The following SLMAP variants were observed in gnomAD, a reference collection of about 807,000 sequenced individuals.
SLMAP encodes the protein sarcolemma associated protein.
A neutral mutation model predicts 128.8 loss-of-function variants in SLMAP; 44 were observed. The ratio of observed to expected loss-of-function variants is 0.34; its 90% CI spans 0.27 to 0.44. The LOEUF (loss-of-function observed/expected upper bound fraction) is 0.44, where lower values mean the gene tolerates loss of function less well. SLMAP is among the 20% of genes least tolerant of loss of function. The pLI is 1.00. For missense variants in SLMAP, 787 were observed against 985.3 expected (o/e 0.80, Z 2.69); for synonymous variants, 327 against 348.8 (o/e 0.94, Z 0.70).
chr3:57,836,235 A>G (rs2093634279), intron 3 of SLMAP, among the ~76,000 whole-genome samples: 1 of 152,126 alleles, frequency 6.6e-6, no homozygotes, highest in Non-Finnish European at 1.5e-5. Flanking sequence ...AAGAAGGAAT[A>G]GAGGAGAAGA....
chr3:57,789,667 T>TATATG (rs2085010781), intron 2 of SLMAP, among the ~76,000 whole-genome samples: 1 of 151,826 alleles, frequency 6.6e-6, no homozygotes, highest in Non-Finnish European at 1.5e-5. Flanking sequence ...TTTGTCAACA[T>TATATG]GAGTCACATT....
intron 2 of SLMAP, among the ~76,000 whole-genome samples, chr3:57,789,986 G>A (rs749618829): frequency 5.3e-5 from 8 of 151,950 alleles, no homozygotes; most frequent in Non-Finnish European, 8.8e-5. Context: ...ATAGGTGCCC[G>A]CCACCACTCC....
chr3:57,793,937 T>C (rs1322104625), intron 2 of SLMAP, among the ~76,000 whole-genome samples: 2 of 151,458 alleles, frequency 1.3e-5, no homozygotes, highest in Non-Finnish European at 2.9e-5. Flanking sequence ...TGTGATGGTG[T>C]ATTCCTGTAG....
chr3:57,897,994 T>C (rs1187339153), intron 17 of SLMAP: 1 of 152,196 alleles, frequency 6.6e-6, no homozygotes, highest in Non-Finnish European at 1.5e-5. Flanking sequence ...ATGTTGGTAG[T>C]GGTGTACTAA....
At chr3:57,925,726 G>C (rs1340528733) in intron 23 of SLMAP, 119 bp from the exon 24 acceptor site, 1 of 682,188 alleles carries the variant, frequency 1.5e-6, no homozygotes. Flanking sequence ...TAAAACCTGA[G>C]TGGTATACTT....
chr3:57,759,031 T>C (rs1214097307), intron 2 of SLMAP, among the ~76,000 whole-genome samples: 2 of 152,188 alleles, frequency 1.3e-5, no homozygotes, highest in Admixed American at 6.5e-5. Context: ...GAGAAAAAAA[T>C]GATACTTCGG....
rs982142451 is a variant in SLMAP at position 57,866,944 on chromosome 3, G to A, written c.1237+1652G>A. 4.6e-5 allele frequency among the ~76,000 whole-genome samples: 7 copies of A among 152,086 alleles called. No individual in the cohort carries two copies. In the South Asian group the frequency reaches 6.2e-4, roughly 14 times the overall value. ...TCCCAGCACTTTGGGAGGCCAAGGCGGGTGGATCACTTGAGGTCAGTAGTT... is the reference window on the plus strand; with the variant it reads ...TCCCAGCACTTTGGGAGGCCAAGGCAGGTGGATCACTTGAGGTCAGTAGTT... On this transcript the variant is annotated intron_variant, in intron 13 of 24. Coordinates refer to ENST00000671191, the MANE Select transcript of SLMAP (RefSeq NM_001377540.1).
rs1025018133 is a variant in SLMAP at position 57,791,049 on chromosome 3, G to A, written c.198+33200G>A. ...TGAGTTTTAGCCCAGTATAAATATA[G>A]CAGCAGTCTTACTTTTAAAAAATTG... On this transcript the variant is annotated intron_variant, in intron 2 of 24. Coordinates refer to ENST00000671191, the MANE Select transcript of SLMAP (RefSeq NM_001377540.1). 2.6e-5 allele frequency among the ~76,000 whole-genome samples: 4 copies of A among 152,106 alleles called. 1 individual carries two copies. The South Asian group carries it at 8.3e-4, about 32-fold the overall frequency.
intron 2 of SLMAP, among the ~76,000 whole-genome samples, chr3:57,815,289 A>G (rs536377155): frequency 6.6e-5 from 10 of 152,196 alleles, no homozygotes; most frequent in African/African-American, 2.4e-4. Flanking sequence ...TGTGCGGCCC[A>G]TTTCCTAACA....
At chr3:57,903,649 C>T (rs1444473935) in intron 17 of SLMAP, among the ~76,000 whole-genome samples, 1 of 152,170 alleles carries the variant, frequency 6.6e-6, no homozygotes, top group Non-Finnish European at 1.5e-5. Context: ...TGTGAATTTA[C>T]AGGATTTAGC....
intron 14 of SLMAP, among the ~76,000 whole-genome samples, chr3:57,882,494 A>G (rs542272076): frequency 1.6e-4 from 24 of 152,360 alleles, no homozygotes; most frequent in African/African-American, 5.8e-4. Context: ...TTGGAGTTTT[A>G]GAAGAACTTA....
At chr3:57,802,079 C>T (rs1037911190) in intron 2 of SLMAP, among the ~76,000 whole-genome samples, 1 of 152,070 alleles carries the variant, frequency 6.6e-6, no homozygotes, top group African/African-American at 2.4e-5. Context: ...ATATAATTTA[C>T]ATTCCATAAA....
intron 2 of SLMAP, among the ~76,000 whole-genome samples, chr3:57,806,531 G>A (rs1355484222): frequency 1.3e-5 from 2 of 151,988 alleles, no homozygotes; most frequent in East Asian, 1.9e-4. Flanking sequence ...TCCGCCTCCC[G>A]GGTTCAAGCA....
chr3:57,768,368 G>T (rs976092349), intron 2 of SLMAP, among the ~76,000 whole-genome samples: 2 of 152,062 alleles, frequency 1.3e-5, no homozygotes, highest in East Asian at 1.9e-4. Flanking sequence ...TTCCAATATA[G>T]ACTTTCAAGC....
chr3:57,772,929 C>T (rs2081178232), intron 2 of SLMAP, among the ~76,000 whole-genome samples: 4 of 152,156 alleles, frequency 2.6e-5, no homozygotes, highest in Admixed American at 2.6e-4. Flanking sequence ...TGTGAGCCAT[C>T]ACGCCCAGCC....
In SLMAP at chr3:57,860,720, C is replaced by A. The variant is rs201411146; in HGVS notation, c.709C>A (p.Arg237=). The change falls in exon 9 of 25, where the codon CGA becomes AGA. Residue 237 remains arginine, a synonymous_variant. Coordinates refer to ENST00000671191, the MANE Select transcript of SLMAP (RefSeq NM_001377540.1). ...CSKNQTEDSL[R]KELIALQEDK... is the part of the protein sequence containing the mutation. ...GTAGAATCAAACAGAAGATAGTTTA[C>A]GAAAGGAACTTATAGCATTACAAGA... 1.3e-5 allele frequency: 21 copies of A among 1,563,704 alleles called. No individual in the cohort carries two copies. The highest frequency in any genetic ancestry group is 1.7e-5 in the Non-Finnish European group (20 of 1,162,872).
At chr3:57,761,882 C>T (rs1418164903) in intron 2 of SLMAP, among the ~76,000 whole-genome samples, 19 of 149,426 alleles carry the variant, frequency 1.3e-4, no homozygotes, top group Non-Finnish European at 2.4e-4. Context: ...CCCGTCTCTA[C>T]TAAAAATACA....
At chr3:57,784,905 GCTCTCTTA>G (rs916245313) in intron 2 of SLMAP, among the ~76,000 whole-genome samples, 20 of 152,052 alleles carry the variant, frequency 1.3e-4, no homozygotes, top group African/African-American at 4.8e-4. Context: ...CTTCTCTTGT[GCTCTCTTA>G]CCCTTTTGCC....
At chr3:57,798,327 G>A (rs934634634) in intron 2 of SLMAP, among the ~76,000 whole-genome samples, 1 of 151,988 alleles carries the variant, frequency 6.6e-6, no homozygotes, top group Admixed American at 6.6e-5. Context: ...TTATATAGGC[G>A]GCTGCTTTGG....
Sources: allele counts gnomAD v4.1 joint callset (sites outside exome capture counted in the v4.1 genomes callset), GRCh38; gene constraint gnomAD v4.1.1; transcripts MANE v1.5; gene names NCBI Gene and HGNC (gene_info 2026-07-23, HGNC 2026-07-21).